The following BICC1 variants were observed in gnomAD, a reference collection of about 807,000 sequenced individuals.
BICC1 encodes the protein BicC family RNA binding protein 1, also known as protein bicaudal C homolog 1.
Under a neutral mutation model 111.0 loss-of-function variants are expected in BICC1, and 43 were observed. That is an observed-to-expected ratio of 0.39 (90% CI 0.30 to 0.50). The LOEUF (loss-of-function observed/expected upper bound fraction) is 0.50. Among genes scored for constraint, BICC1 ranks in the 20% least tolerant of loss-of-function variants. BICC1 has a pLI of 0.88. For synonymous variants in BICC1, 467 were observed against 434.4 expected (o/e 1.07, Z -0.93); for missense variants, 1,091 against 1,203.2 (o/e 0.91, Z 1.38).
chr10:58,722,206 T>C (rs1446954724), intron 3 of BICC1, among the ~76,000 whole-genome samples: 1 of 152,214 alleles, frequency 6.6e-6, no homozygotes, highest in African/African-American at 2.4e-5. Flanking sequence ...ACCTGAGTTC[T>C]TCAGCAATTG....
chr10:58,679,224 T>TA (rs919564616), intron 2 of BICC1, among the ~76,000 whole-genome samples: 15 of 152,108 alleles, frequency 9.9e-5, no homozygotes, highest in Middle Eastern at 3.4e-3. Context: ...TAAAAACCCT[T>TA]AAAAAAATCA....
intron 1 of BICC1, among the ~76,000 whole-genome samples, chr10:58,604,285 C>A (rs1175104977): frequency 6.6e-6 from 1 of 152,074 alleles, no homozygotes; most frequent in Non-Finnish European, 1.5e-5. Flanking sequence ...ACATTGTTGT[C>A]TTATAGTCTG....
chr10:58,578,001 G>C (rs1188855917), intron 1 of BICC1, among the ~76,000 whole-genome samples: 2 of 152,122 alleles, frequency 1.3e-5, no homozygotes, highest in African/African-American at 4.8e-5. Context: ...AGGCTGAAAG[G>C]AGATTTCATT....
chr10:58,661,218 T>G (rs1318600764), intron 2 of BICC1, among the ~76,000 whole-genome samples: 1 of 151,988 alleles, frequency 6.6e-6, no homozygotes, highest in Non-Finnish European at 1.5e-5. Flanking sequence ...TGAATTTTTT[T>G]TTTTTTTTTT....
chr10:58,515,002 A>G (rs1043547991), intron 1 of BICC1, among the ~76,000 whole-genome samples: 4 of 152,218 alleles, frequency 2.6e-5, no homozygotes, highest in Non-Finnish European at 1.5e-5. Context: ...CTGCGCACAA[A>G]CAAGTAAGGA....
intron 1 of BICC1, among the ~76,000 whole-genome samples, chr10:58,569,365 A>G (rs3001717): frequency 0.46 from 69,579 of 151,994 alleles, 17,011 homozygotes; most frequent in Admixed American, 0.62. Context: ...ACATGCCACA[A>G]TACTTAAACA....
chr10:58,561,614 T>G (rs1843606829), intron 1 of BICC1, among the ~76,000 whole-genome samples: 1 of 152,092 alleles, frequency 6.6e-6, no homozygotes, highest in Non-Finnish European at 1.5e-5. Context: ...CTGGTTGTTT[T>G]GTGTATCATT....
chr10:58,762,364 G>A (rs538503322), intron 3 of BICC1, among the ~76,000 whole-genome samples: 1 of 152,304 alleles, frequency 6.6e-6, no homozygotes, highest in East Asian at 1.9e-4. Context: ...TGAAATATTG[G>A]AGAGTGTAGG....
intron 3 of BICC1, among the ~76,000 whole-genome samples, chr10:58,706,081 A>T (rs1298548132): frequency 6.6e-6 from 1 of 152,192 alleles, no homozygotes; most frequent in African/African-American, 2.4e-5. Flanking sequence ...TGACTCTTAG[A>T]TTGAGAATAC....
chr10:58,653,355 GTTTTCAGTTCTTTTAGAA>G (rs1838511965), intron 2 of BICC1, among the ~76,000 whole-genome samples: 3 of 152,054 alleles, frequency 2.0e-5, no homozygotes, highest in Non-Finnish European at 4.4e-5. Context: ...GGTCTGGTTT[GTTTTCAGTTCTTTTAGAA>G]ACTGAGCCCT....
chr10:58,521,272 T>C (rs887234737), intron 1 of BICC1, among the ~76,000 whole-genome samples: 1 of 152,144 alleles, frequency 6.6e-6, no homozygotes, highest in Non-Finnish European at 1.5e-5. Flanking sequence ...TTCTCATCTC[T>C]AAAATGGAGA....
chr10:58,703,164 C>CTTT (rs3076275), intron 3 of BICC1, among the ~76,000 whole-genome samples: 1,783 of 130,280 alleles, frequency 0.014, 68 homozygotes, highest in Admixed American at 0.019. Flanking sequence ...TATCTTGCTA[C>CTTT]TTTTTTTTTT....
intron 3 of BICC1, among the ~76,000 whole-genome samples, chr10:58,777,671 C>T (rs557692362): frequency 9.2e-5 from 14 of 152,154 alleles, no homozygotes; most frequent in South Asian, 4.1e-4. Context: ...AATTCGCTCA[C>T]GTCACTCCTG....
chr10:58,634,050 A>C (rs1321326056), intron 2 of BICC1, among the ~76,000 whole-genome samples: 1 of 146,376 alleles, frequency 6.8e-6, no homozygotes, highest in Non-Finnish European at 1.5e-5. Context: ...GCTGGAGTGC[A>C]ATGGCGCAAT....
intron 1 of BICC1, among the ~76,000 whole-genome samples, chr10:58,598,171 T>G (rs1172635270): frequency 6.6e-6 from 1 of 152,050 alleles, no homozygotes; most frequent in Non-Finnish European, 1.5e-5. Context: ...AAACTTCATA[T>G]GGAACCAAAA....
intron 2 of BICC1, among the ~76,000 whole-genome samples, chr10:58,648,013 A>G (rs1332170128): frequency 1.3e-5 from 2 of 152,202 alleles, no homozygotes; most frequent in Non-Finnish European, 2.9e-5. Context: ...CCTTTATGAC[A>G]TGCTAAGTTA....
intron 3 of BICC1, among the ~76,000 whole-genome samples, chr10:58,724,289 A>G (rs1264718589): frequency 6.6e-6 from 1 of 152,242 alleles, no homozygotes; most frequent in Non-Finnish European, 1.5e-5. Context: ...ATCTGTAGTT[A>G]TTATATAATC....
At chr10:58,672,671 C>G (rs768558021) in intron 2 of BICC1, among the ~76,000 whole-genome samples, 2 of 152,190 alleles carry the variant, frequency 1.3e-5, no homozygotes, top group Non-Finnish European at 2.9e-5. Flanking sequence ...CCAAGGCTGT[C>G]TTGGCCACCA....
intron 15 of BICC1, among the ~76,000 whole-genome samples, chr10:58,805,113 C>T (rs1041183529): frequency 6.6e-6 from 1 of 151,970 alleles, no homozygotes; most frequent in Non-Finnish European, 1.5e-5. Flanking sequence ...GCCAACATGG[C>T]GAAACCCTGT....
Sources: gnomAD v4.1 joint callset for allele counts (sites outside exome capture counted in the v4.1 genomes callset) on GRCh38, gnomAD v4.1.1 for gene constraint, MANE v1.5 for transcripts, NCBI Gene and HGNC (gene_info 2026-07-23, HGNC 2026-07-21) for gene names.